The following PACSIN1 variants were observed in gnomAD, a reference collection of about 807,000 sequenced individuals.
PACSIN1 encodes the protein protein kinase C and casein kinase substrate in neurons 1.
In PACSIN1, 15 loss-of-function variants were observed where a neutral mutation model predicts 59.5. The ratio of observed to expected loss-of-function variants is 0.25; its 90% CI spans 0.17 to 0.39. The LOEUF is 0.39. Ranked by LOEUF, PACSIN1 falls within the 10% of genes least tolerant of loss-of-function variation. PACSIN1 has a pLI of 1.00. For synonymous variants in PACSIN1, 210 were observed against 220.6 expected (o/e 0.95, Z 0.42); for missense variants, 420 against 580.2 (o/e 0.72, Z 2.84).
chr6:34,530,647 AGT>A lies in PACSIN1; in HGVS notation c.1037+61_1037+62del. 6.8e-7 allele frequency: 1 copy of A among 1,466,786 alleles called. No homozygotes were observed. Among genetic ancestry groups the A allele is most frequent in the Admixed American group, 2.6e-5 (1 of 38,082 alleles). 90.9% of individuals were successfully genotyped at this position (1,466,786 alleles called of 1,614,324 possible). A position where few individuals can be genotyped will look rare whatever the true frequency, so the allele number is the denominator to read the frequency against. On this transcript the variant is annotated intron_variant, in intron 8 of 9. Coordinates refer to ENST00000244458, the MANE Select transcript of PACSIN1 (RefSeq NM_020804.5). This position sits in a 1 kb window ranked among gnomAD's most constrained non-coding sequence, Gnocchi z 4.4. ...AGGGACCCACACTCTGGGGCAGCTG[AGT>A]TTTGCTTCAGAAGACAAGAAATGGT...
Position 34,535,067 on chromosome 6 carries a change from A to G in PACSIN1, c.*2537A>G, listed in dbSNP as rs1767670520. 6.6e-6 allele frequency: 1 copy of G among 152,654 alleles called. No homozygotes were observed. Among genetic ancestry groups the G allele is most frequent in the East Asian group, 1.9e-4 (1 of 5,190 alleles). 9.5% of individuals were successfully genotyped at this position (152,654 alleles called of 1,614,324 possible). A position where few individuals can be genotyped will look rare whatever the true frequency, so the allele number is the denominator to read the frequency against. On this transcript the variant is annotated 3_prime_UTR_variant, in exon 10 of 10. Coordinates refer to ENST00000244458, the MANE Select transcript of PACSIN1 (RefSeq NM_020804.5). ...CTGCCGCCCTAGGCTTCCTGACTCC[A>G]TTAGTTCCGACACTTGTGAAACTCC...
intron 1 of PACSIN1, among the ~76,000 whole-genome samples, chr6:34,505,948 A>C (rs1767105705): frequency 6.6e-6 from 1 of 151,936 alleles, no homozygotes; most frequent in Non-Finnish European, 1.5e-5. Context: ...CTATTTAGAA[A>C]GCTCACTGGA....
Position 34,514,705 on chromosome 6 carries a change from C to T in PACSIN1, c.-63-11538C>T, listed in dbSNP as rs1050375685. The stretch of plus-strand genomic sequence containing the variant: ...ATGCGTGCCCATGTTGATGCGGCGC[C>T]GTGCGGGAGGCGGGCATCCCCTGCT... On this transcript the variant is annotated intron_variant, in intron 1 of 9. Coordinates refer to ENST00000244458, the MANE Select transcript of PACSIN1 (RefSeq NM_020804.5). This position sits in a 1 kb window ranked among gnomAD's most constrained non-coding sequence, Gnocchi z 4.4. Among the ~76,000 whole-genome samples, 2 of 152,092 alleles carry T rather than the reference C, an allele frequency of 1.3e-5. No homozygotes were observed. Among genetic ancestry groups the T allele is most frequent in the East Asian group, 1.9e-4 (1 of 5,182 alleles).
chr6:34,522,023 C>A (rs771919173), intron 1 of PACSIN1, among the ~76,000 whole-genome samples: 10 of 152,200 alleles, frequency 6.6e-5, no homozygotes, highest in Non-Finnish European at 1.3e-4. Flanking sequence ...TCTTGGCTTA[C>A]CTCTCTGAGT....
chr6:34,506,015 G>A (rs1001596170), intron 1 of PACSIN1, among the ~76,000 whole-genome samples: 2 of 151,988 alleles, frequency 1.3e-5, no homozygotes, highest in Non-Finnish European at 1.5e-5. Flanking sequence ...CTTCTTTGTA[G>A]TTTCTACATA....
chr6:34,474,391 G>A (rs555228185), intron 1 of PACSIN1, among the ~76,000 whole-genome samples: 66 of 152,050 alleles, frequency 4.3e-4, no homozygotes, highest in African/African-American at 1.4e-3. Flanking sequence ...TTCCTGCCCC[G>A]TCCTTGCCTC....
Position 34,530,348 on chromosome 6 carries a change from C to A in PACSIN1, c.894C>A (p.Asn298Lys), listed in dbSNP as rs1045726672. ...CCAGTGGCCCCGGCATGCCCATGAA[C>A]TGGCCCCAGTTTGAGGTGAGGATAT... ...RSTSGPGMPMNWPQFEEWNPD... is the reference protein window; with the variant it reads ...RSTSGPGMPMKWPQFEEWNPD... The change falls in exon 7 of 10, where the codon AAC becomes AAA. Residue 298 changes from asparagine (N) to lysine (K), a missense_variant. Coordinates refer to ENST00000244458, the MANE Select transcript of PACSIN1 (RefSeq NM_020804.5). This position sits in a 1 kb window ranked among gnomAD's most constrained non-coding sequence, Gnocchi z 4.4. 6.2e-7 allele frequency: 1 copy of A among 1,614,064 alleles called. No individual in the cohort carries two copies.
intron 1 of PACSIN1, among the ~76,000 whole-genome samples, chr6:34,471,243 T>C (rs1164364132): frequency 2.0e-5 from 3 of 152,226 alleles, no homozygotes; most frequent in Admixed American, 1.3e-4. Flanking sequence ...CCACCGCGCC[T>C]GGCCCTGAAT....
chr6:34,474,789 A>AG (rs1177325312), intron 1 of PACSIN1, among the ~76,000 whole-genome samples: 2,764 of 82,914 alleles, frequency 0.033, 47 homozygotes, highest in South Asian at 0.064. Context: ...ACTCTGTCTC[A>AG]GAAAAAAAAA....
At chr6:34,527,036 C>G (rs924361623) in intron 2 of PACSIN1, among the ~76,000 whole-genome samples, 7 of 152,192 alleles carry the variant, frequency 4.6e-5, no homozygotes, top group Non-Finnish European at 5.9e-5. Flanking sequence ...CAGCCCAAGT[C>G]CAAATTCTAA....
intron 1 of PACSIN1, among the ~76,000 whole-genome samples, chr6:34,507,581 C>A (rs1004203499): frequency 1.3e-5 from 2 of 151,432 alleles, no homozygotes; most frequent in Non-Finnish European, 2.9e-5. Flanking sequence ...AACATGAGAT[C>A]TACCCTTCTA....
chr6:34,476,270 C>T (rs1581956497), intron 1 of PACSIN1, among the ~76,000 whole-genome samples: 1 of 152,182 alleles, frequency 6.6e-6, no homozygotes, highest in Admixed American at 6.5e-5. Context: ...CTTCACAGCA[C>T]CCCATCTTCA....
chr6:34,499,289 G>A (rs963160209), intron 1 of PACSIN1, among the ~76,000 whole-genome samples: 6 of 151,722 alleles, frequency 4.0e-5, no homozygotes, highest in African/African-American at 1.2e-4. Context: ...GAGCTTAGGC[G>A]GTAATGTGAG....
chr6:34,486,303 G>A (rs1766792940), intron 1 of PACSIN1, among the ~76,000 whole-genome samples: 2 of 152,086 alleles, frequency 1.3e-5, no homozygotes, highest in Non-Finnish European at 1.5e-5. Flanking sequence ...GGGAGGAGGA[G>A]GTGTTGTAAA....
At chr6:34,517,176 A>G (rs957429772) in intron 1 of PACSIN1, among the ~76,000 whole-genome samples, 2 of 152,144 alleles carry the variant, frequency 1.3e-5, no homozygotes, top group African/African-American at 4.8e-5. Flanking sequence ...TCTCACCGCC[A>G]CATCCAAACC....
At chr6:34,524,637 C>T (rs1054396313) in intron 1 of PACSIN1, among the ~76,000 whole-genome samples, 5 of 152,294 alleles carry the variant, frequency 3.3e-5, no homozygotes, top group East Asian at 1.9e-4. Context: ...CCTCTGTGGA[C>T]GGGTATTTGG....
chr6:34,505,053 A>G (rs1303863497), intron 1 of PACSIN1, among the ~76,000 whole-genome samples: 1 of 151,862 alleles, frequency 6.6e-6, no homozygotes, highest in Non-Finnish European at 1.5e-5. Flanking sequence ...TGGCACAATC[A>G]TAGTTCACTG....
At chr6:34,497,983 G>A (rs1321565059) in intron 1 of PACSIN1, among the ~76,000 whole-genome samples, 1 of 152,200 alleles carries the variant, frequency 6.6e-6, no homozygotes, top group East Asian at 1.9e-4. Context: ...AGAACCTTGA[G>A]TTCTGATGCC....
At position 34,529,957 on chromosome 6, in the gene PACSIN1, G is replaced by C. The variant is rs1327296535; in HGVS notation, c.788+116G>C. 2 of 1,195,318 alleles carry C rather than the reference G, an allele frequency of 1.7e-6. No individual in the cohort carries two copies. The highest frequency in any genetic ancestry group is 3.0e-5 in the African/African-American group (2 of 66,122). 74.0% of individuals were successfully genotyped at this position (1,195,318 alleles called of 1,614,324 possible). A position where few individuals can be genotyped will look rare whatever the true frequency, so the allele number is the denominator to read the frequency against. Reference sequence around the variant, plus strand: ...ACGGGAAGGGGAGGCAGAGCTGCAGGGGTCAAGAAGGATGAGGCTTCAAAC... The same window carrying C: ...ACGGGAAGGGGAGGCAGAGCTGCAGCGGTCAAGAAGGATGAGGCTTCAAAC... On this transcript the variant is annotated intron_variant, in intron 6 of 9. Transcript: ENST00000244458. The surrounding 1 kb of genome is among the most constrained non-coding windows in gnomAD (Gnocchi z 6.3).
Sources: gnomAD v4.1 joint callset for allele counts (sites outside exome capture counted in the v4.1 genomes callset) on GRCh38, gnomAD v4.1.1 for gene constraint, Gnocchi (gnomAD v3.1) non-coding constraint, MANE v1.5 for transcripts, NCBI Gene and HGNC (gene_info 2026-07-23, HGNC 2026-07-21) for gene names.